Variants in ABCC10 observed in about 807,000 individuals in gnomAD.
ABCC10 encodes ATP-binding cassette sub-family C member 10.
ABCC10 carries 110 observed loss-of-function variants against 143.2 expected under a neutral mutation model. That is an observed-to-expected ratio of 0.77 (90% CI 0.66 to 0.90). The LOEUF (loss-of-function observed/expected upper bound fraction) is 0.90, where lower values mean the gene tolerates loss of function less well. ABCC10 is among the 40% of genes least tolerant of loss of function. The pLI, the probability that ABCC10 is intolerant of heterozygous loss-of-function variation, is 0.00. For synonymous variants in ABCC10, 805 were observed against 846.7 expected (o/e 0.95, Z 0.85); for missense variants, 1,700 against 1,900.5 (o/e 0.89, Z 1.96).
At chr6:43,451,875 CTT>C, downstream of ABCC10, 1 of 1,594,710 alleles carries the variant, frequency 6.3e-7, no homozygotes, top group Admixed American at 1.7e-5. The surrounding 1 kb of genome is among the most constrained non-coding windows in gnomAD (Gnocchi z 4.4). Context: ...AGTCCTGCCT[CTT>C]TTCTCATCCC....
Position 43,445,920 on chromosome 6 carries a change from C to T in ABCC10, c.3352C>T (p.Arg1118Trp), listed in dbSNP as rs773849977. The change falls in exon 15 of 22, where the codon CGG (arginine) becomes TGG (tryptophan). Residue 1118 changes from arginine (R) to tryptophan (W), a missense_variant. Arg to Trp is a moderately radical substitution (Grantham distance 101, BLOSUM62 -3). Coordinates refer to ENST00000372530, the MANE Select transcript of ABCC10 (RefSeq NM_001198934.2). ...TACCTTGGCTGGCCTCTCTGTGCTCCGGGCCACAGGGGCCACCTACAGGTG... is the reference window on the plus strand; with the variant it reads ...TACCTTGGCTGGCCTCTCTGTGCTCTGGGCCACAGGGGCCACCTACAGGTG... ...ADTLAGLSVLRATGATYRFEE... is the reference protein window; with the variant it reads ...ADTLAGLSVLWATGATYRFEE... 8.7e-5 allele frequency: 141 copies of T among 1,612,518 alleles called. No homozygotes were observed. Among genetic ancestry groups the T allele is most frequent in the East Asian group, 2.2e-4 (10 of 44,854 alleles).
rs1783069511 is a variant in ABCC10 at position 43,446,343 on chromosome 6, A to C, written c.3441A>C (p.Thr1147=). The change falls in exon 16 of 22, where the codon ACA becomes ACC. Residue 1147 remains threonine, a synonymous_variant. Coordinates refer to ENST00000372530, the MANE Select transcript of ABCC10 (RefSeq NM_001198934.2). ...NQRCQFATSA[T]MQWLDIRLQL... ...GGTGCCAGTTTGCCACCAGTGCCAC[A>C]ATGCAGTGGCTGGACATTCGGCTAC... The C allele has an allele frequency of 1.2e-6, 2 of 1,613,764 alleles. No individual in the cohort carries two copies. Among genetic ancestry groups the C allele is most frequent in the African/African-American group, 1.3e-5 (1 of 74,856 alleles).
intron 9 of ABCC10, among the ~76,000 whole-genome samples, 174 bp from the exon 10 acceptor site, chr6:43,442,796 G>A (rs1782614465): frequency 6.6e-6 from 1 of 151,986 alleles, no homozygotes; most frequent in African/African-American, 2.4e-5. Flanking sequence ...TGCTGGCCCT[G>A]GGGTGCTGTT....
Position 43,438,774 on chromosome 6 carries a change from C to T in ABCC10, c.2106C>T (p.Cys702=), listed in dbSNP as rs561113618. The T allele has an allele frequency of 8.6e-5, 139 of 1,614,174 alleles. No individual in the cohort carries two copies. The highest frequency in any genetic ancestry group is 1.7e-4 in the African/African-American group (13 of 75,058). The change falls in exon 8 of 22, where the codon TGC becomes TGT. Residue 702 remains cysteine (C), a synonymous_variant. Transcript: ENST00000372530. The part of the protein sequence containing the change: ...AQLYKEVLEA[C]ALNDDLSILP... ...TGTACAAGGAGGTGCTAGAAGCCTG[C>T]GCCCTCAATGATGACCTCAGTGTGA...
At chr6:43,439,623 T>C (rs1407815598) in intron 8 of ABCC10, among the ~76,000 whole-genome samples, 2 of 151,942 alleles carry the variant, frequency 1.3e-5, no homozygotes, top group African/African-American at 2.4e-5. Context: ...CTCACTGTGT[T>C]GCCAGGCTGG....
At chr6:43,448,849 C>T (rs1452266031) in intron 18 of ABCC10, 32 bp from the exon 19 acceptor site, 9 of 1,582,020 alleles carry the variant, frequency 5.7e-6, no homozygotes, top group Non-Finnish European at 7.7e-6. Context: ...GCTACATCTC[C>T]AACCACTAGA....
chr6:43,444,511 A>G (rs1281705638), intron 12 of ABCC10, among the ~76,000 whole-genome samples, 158 bp downstream of exon 12: 1 of 152,262 alleles, frequency 6.6e-6, no homozygotes, highest in African/African-American at 2.4e-5. Flanking sequence ...CCCAGGGGCC[A>G]GAGGCATGTG....
chr6:43,439,630 C>T (rs1562184815), intron 8 of ABCC10, among the ~76,000 whole-genome samples: 1 of 152,180 alleles, frequency 6.6e-6, no homozygotes, highest in Non-Finnish European at 1.5e-5. Flanking sequence ...TGTTGCCAGG[C>T]TGGAGTGCAG....
At position 43,427,985 on chromosome 6, in the gene ABCC10, C is replaced by G; in HGVS notation, c.7C>G (p.Arg3Gly). ME[R>G]LLAQLCGSSA... ...CCCTTCAGGTGAGGCGTCCATGGAA[C>G]GACTTCTGGCCCAGCTGTGCGGCAG... is the stretch of plus-strand genomic sequence containing the variant. The change falls in exon 2 of 22, where the codon CGA (arginine) becomes GGA (glycine). Residue 3 changes from arginine (R) to glycine (G), a missense_variant. Physicochemically the swap from Arg to Gly is moderately radical, Grantham distance 125. Transcript: ENST00000372530. The G allele has an allele frequency of 6.2e-7, 1 of 1,612,014 alleles. No individual in the cohort carries two copies. The highest frequency in any genetic ancestry group is 1.6e-4 in the Middle Eastern group (1 of 6,062).
At chr6:43,444,973 C>T (rs1782873193) in intron 13 of ABCC10, 35 bp downstream of exon 13, 4 of 1,592,822 alleles carry the variant, frequency 2.5e-6, no homozygotes, top group Non-Finnish European at 3.4e-6. Flanking sequence ...GCCTGGTGCT[C>T]TCAGAGTGGT....
intron 16 of ABCC10, chr6:43,446,904 G>C (rs887240451): frequency 7.7e-5 from 82 of 1,059,352 alleles, no homozygotes; most frequent in Non-Finnish European, 8.8e-5. Flanking sequence ...CTGGAGTGCA[G>C]TGGCACGATC....
chr6:43,451,255 C>T (rs1195685042), downstream of ABCC10: 3 of 1,613,950 alleles, frequency 1.9e-6, no homozygotes, highest in Non-Finnish European at 1.7e-6. The surrounding 1 kb of genome is among the most constrained non-coding windows in gnomAD (Gnocchi z 4.4). Context: ...TGGCACTGCC[C>T]GCCATTGCGG....
chr6:43,432,349 A>C lies in ABCC10; in HGVS notation c.369A>C (p.Ala123=). Residue 123 remains alanine (A), a synonymous_variant, in exon 3 of 22, where the codon GCA becomes GCC. Coordinates refer to ENST00000372530, the MANE Select transcript of ABCC10 (RefSeq NM_001198934.2). The stretch of plus-strand genomic sequence containing the variant: ...ACAGCCTGGCCCTGTGGGTGTTGGC[A>C]CATTCCCCTCATGGCCACTCCCGGG... ...ISHSLALWVL[A]HSPHGHSRGP... is the part of the protein sequence containing the mutation. 1 of 1,613,870 alleles carries C rather than the reference A, an allele frequency of 6.2e-7. No individual in the cohort carries two copies. The highest frequency in any genetic ancestry group is 8.5e-7 in the Non-Finnish European group (1 of 1,180,030).
intron 9 of ABCC10, 64 bp downstream of exon 9, chr6:43,442,024 G>A: frequency 7.1e-7 from 1 of 1,410,526 alleles, no homozygotes; most frequent in Non-Finnish European, 9.9e-7. Context: ...TTGGGAACTT[G>A]GCTGAGTTAG....
At position 43,432,256 on chromosome 6, in the gene ABCC10, G is replaced by A. The variant is rs1400401249; in HGVS notation, c.276G>A (p.Gly92=). The A allele has an allele frequency of 1.2e-6, 2 of 1,614,220 alleles. No individual in the cohort carries two copies. Among genetic ancestry groups the A allele is most frequent in the East Asian group, 2.2e-5 (1 of 44,882 alleles). The change falls in exon 3 of 22, where the codon GGG becomes GGA. Residue 92 remains glycine (G), a synonymous_variant. Coordinates refer to ENST00000372530, the MANE Select transcript of ABCC10 (RefSeq NM_001198934.2). ...TTCTTCCAGTTGCTTTGCCACCAGG[G>A]GCAGGCCCAGGACCCATAGGGCTAG... is the stretch of plus-strand genomic sequence containing the variant. ...LDLLPVALPP[G]AGPGPIGLEV...
rs907316412 is a variant in ABCC10 at position 43,443,829 on chromosome 6, C to T, written c.2417-104C>T. 127 of 1,214,860 alleles carry T rather than the reference C, an allele frequency of 1.0e-4. No homozygotes were observed. The highest frequency in any genetic ancestry group is 1.3e-4 in the Non-Finnish European group (111 of 822,350). 75.3% of individuals were successfully genotyped at this position (1,214,860 alleles called of 1,614,324 possible). ...GGGTATCCTGCTAGGGTGGGTTAGA[C>T]GGGGAGGCCTGAGAGGATGAGAGGT... On this transcript the variant is annotated intron_variant, in intron 10 of 21. Transcript: ENST00000372530. The surrounding 1 kb of genome is among the most constrained non-coding windows in gnomAD (Gnocchi z 4.2).
At chr6:43,436,382 T>A (rs1313493746) in intron 6 of ABCC10, 135 bp downstream of exon 6, 1 of 1,102,524 alleles carries the variant, frequency 9.1e-7, no homozygotes, top group African/African-American at 1.6e-5. Flanking sequence ...GATAGGCATT[T>A]GGTGAGCAGG....
chr6:43,444,850 A>G lies in ABCC10; in HGVS notation c.2752A>G (p.Ser918Gly), dbSNP rs1240019312. Residue 918 changes from serine (S) to glycine (G), a missense_variant, in exon 13 of 22, where the codon AGC becomes GGC. Physicochemically the swap from Ser to Gly is moderately conservative, Grantham distance 56. Transcript: ENST00000372530. ...GATCTCTCAGCTGAAGGCTGAGAAT[A>G]GCTCCCAGGAGGCGCAACCCTCCAC... ...HWISQLKAENSSQEAQPSTSP... is the reference protein window; with the variant it reads ...HWISQLKAENGSQEAQPSTSP... 5.0e-6 allele frequency: 8 copies of G among 1,613,770 alleles called. No homozygotes were observed. The highest frequency in any genetic ancestry group is 6.8e-6 in the Non-Finnish European group (8 of 1,179,890).
chr6:43,433,345 G>A lies in ABCC10; in HGVS notation c.1365G>A (p.Lys455=). ...MASNQEMLQH[K]DARVKLVTEL... is the part of the protein sequence containing the mutation. ...GCAACCAGGAAATGCTACAGCACAA[G>A]GATGCGCGGGTTAAGGTGAGCGGGT... The change falls in exon 3 of 22, where the codon AAG becomes AAA. Residue 455 remains lysine (K), a synonymous_variant. Coordinates refer to ENST00000372530, the MANE Select transcript of ABCC10 (RefSeq NM_001198934.2). 1 of 1,611,760 alleles carries A rather than the reference G, an allele frequency of 6.2e-7. No homozygotes were observed. Among genetic ancestry groups the A allele is most frequent in the Non-Finnish European group, 8.5e-7 (1 of 1,178,236 alleles).
Sources: allele counts gnomAD v4.1 joint callset (sites outside exome capture counted in the v4.1 genomes callset), GRCh38; gene constraint gnomAD v4.1.1; non-coding constraint Gnocchi (gnomAD v3.1); transcripts MANE v1.5; gene names NCBI Gene and HGNC (gene_info 2026-07-23, HGNC 2026-07-21).